Variants in BCAR3 observed in about 807,000 individuals in gnomAD.
BCAR3 encodes the protein breast cancer anti-estrogen resistance protein 3.
BCAR3 carries 37 observed loss-of-function variants against 80.1 expected under a neutral mutation model. The observed-to-expected ratio is 0.46, with a 90% CI of 0.36 to 0.61. The LOEUF (loss-of-function observed/expected upper bound fraction) is 0.61, where lower values mean the gene tolerates loss of function less well. BCAR3 is among the 20% of genes least tolerant of loss of function. The pLI, the probability that BCAR3 is intolerant of heterozygous loss-of-function variation, is 0.00. For synonymous variants in BCAR3, 389 were observed against 418.9 expected (o/e 0.93, Z 0.87); for missense variants, 978 against 1,068.2 (o/e 0.92, Z 1.18).
At chr1:93,618,926 TTTTTTTTTTTTTG>T (rs1215058507) in intron 3 of BCAR3, among the ~76,000 whole-genome samples, 1 of 91,426 alleles carries the variant, frequency 1.1e-5, no homozygotes, top group Non-Finnish European at 2.0e-5. Flanking sequence ...AGCCGTGGGT[TTTTTTTTTTTTTG>T]TTTTTTTTTT....
intron 2 of BCAR3, among the ~76,000 whole-genome samples, chr1:93,758,104 A>G (rs3935334): frequency 0.12 from 17,800 of 152,176 alleles, 1,462 homozygotes; most frequent in African/African-American, 0.22. Flanking sequence ...CACTGGCTGA[A>G]GGCAACTCCC....
At chr1:93,767,704 T>C (rs1393320838) in intron 2 of BCAR3, among the ~76,000 whole-genome samples, 1 of 152,150 alleles carries the variant, frequency 6.6e-6, no homozygotes, top group Non-Finnish European at 1.5e-5. Context: ...AAATAAAATA[T>C]ATAAACTATT....
At chr1:93,796,376 C>T (rs12760932) in intron 2 of BCAR3, among the ~76,000 whole-genome samples, 41,520 of 142,046 alleles carry the variant, frequency 0.29, 7,503 homozygotes, top group East Asian at 0.56. Flanking sequence ...TTTTTTAAGC[C>T]GGTCTGAAAA....
At chr1:93,770,767 G>A (rs1466168838) in intron 2 of BCAR3, among the ~76,000 whole-genome samples, 1 of 152,138 alleles carries the variant, frequency 6.6e-6, no homozygotes, top group African/African-American at 2.4e-5. Context: ...GGGCAATAGA[G>A]TACCCACCAG....
chr1:93,628,591 GT>G (rs934768747), intron 3 of BCAR3, among the ~76,000 whole-genome samples: 48 of 152,246 alleles, frequency 3.2e-4, no homozygotes, highest in African/African-American at 1.1e-3. Context: ...AGACATTACA[GT>G]TGACTTGTAT....
chr1:93,694,202 G>A (rs1418939026), intron 3 of BCAR3, among the ~76,000 whole-genome samples: 1 of 152,200 alleles, frequency 6.6e-6, no homozygotes, highest in Non-Finnish European at 1.5e-5. Flanking sequence ...AGCACAGGGT[G>A]GGGAGCTCCC....
At chr1:93,570,594 A>G (rs1016412662) in intron 9 of BCAR3, among the ~76,000 whole-genome samples, 2 of 152,218 alleles carry the variant, frequency 1.3e-5, no homozygotes, top group African/African-American at 4.8e-5. Flanking sequence ...AGAAACGGTA[A>G]TTAGGGAGTT....
At chr1:93,684,731 T>C (rs7513130), upstream of BCAR3, among the ~76,000 whole-genome samples, 33 of 97,968 alleles carry the variant, frequency 3.4e-4, no homozygotes, top group African/African-American at 2.0e-3. Flanking sequence ...GTGTTTTTTG[T>C]TTTTTGTTTT....
intron 2 of BCAR3, among the ~76,000 whole-genome samples, chr1:93,751,262 AGCTGACTCCT>A (rs957897164): frequency 6.6e-6 from 1 of 152,194 alleles, no homozygotes; most frequent in African/African-American, 2.4e-5. Context: ...CCTAAGCTGC[AGCTGACTCCT>A]CCCATGCAGT....
At chr1:93,610,486 A>T (rs536149097) in intron 3 of BCAR3, among the ~76,000 whole-genome samples, 1 of 152,164 alleles carries the variant, frequency 6.6e-6, no homozygotes, top group African/African-American at 2.4e-5. Flanking sequence ...CTTAAAAACA[A>T]ACAAACAACA....
At chr1:93,707,580 G>T (rs539639706) in intron 2 of BCAR3, among the ~76,000 whole-genome samples, 2 of 152,190 alleles carry the variant, frequency 1.3e-5, no homozygotes, top group African/African-American at 4.8e-5. Context: ...GGTGGCGCGT[G>T]CCTGTAATCC....
chr1:93,752,398 G>A (rs12408089), intron 2 of BCAR3, among the ~76,000 whole-genome samples: 17,842 of 152,218 alleles, frequency 0.12, 1,475 homozygotes, highest in African/African-American at 0.22. Context: ...CATCTACCTG[G>A]GCATTGGAAA....
intron 2 of BCAR3, among the ~76,000 whole-genome samples, chr1:93,741,701 TG>T (rs1651181414): frequency 6.6e-6 from 1 of 152,096 alleles, no homozygotes; most frequent in Non-Finnish European, 1.5e-5. Context: ...CTCGAGTAGC[TG>T]GGATTACAGG....
chr1:93,712,237 C>A (rs888594520), intron 2 of BCAR3, among the ~76,000 whole-genome samples: 1 of 152,256 alleles, frequency 6.6e-6, no homozygotes, highest in Non-Finnish European at 1.5e-5. Flanking sequence ...CTGTCCCCGA[C>A]CCTGGTTCAC....
At chr1:93,766,693 T>C (rs912320566) in intron 2 of BCAR3, among the ~76,000 whole-genome samples, 4 of 152,258 alleles carry the variant, frequency 2.6e-5, no homozygotes, top group African/African-American at 9.6e-5. Context: ...CTCCTCCATC[T>C]TCACCGTATC....
At chr1:93,594,537 C>G (rs1272591596) in intron 3 of BCAR3, 1 of 152,246 alleles carries the variant, frequency 6.6e-6, no homozygotes, top group Non-Finnish European at 1.5e-5. Context: ...AACACACCAG[C>G]CCTGGACCGC....
chr1:93,645,277 G>A (rs1740070), intron 2 of BCAR3, among the ~76,000 whole-genome samples: 6,522 of 145,838 alleles, frequency 0.045, 212 homozygotes, highest in African/African-American at 0.085. Flanking sequence ...TTTCAAGGGG[G>A]AAAAAAAAAA....
At chr1:93,754,712 C>T (rs1464712942) in intron 2 of BCAR3, among the ~76,000 whole-genome samples, 1 of 152,152 alleles carries the variant, frequency 6.6e-6, no homozygotes, top group Non-Finnish European at 1.5e-5. Flanking sequence ...AAACATATTG[C>T]ACTGCCAGTC....
chr1:93,562,202 A>G lies in BCAR3; in HGVS notation c.*39T>C, dbSNP rs1672702308. Reference sequence around the variant, plus strand: ...AGCTTTCCCAAAGATGAAGCTGGGGAAACTTGAAAAGATATTCTAAAGGTT... The same window carrying G: ...AGCTTTCCCAAAGATGAAGCTGGGGGAACTTGAAAAGATATTCTAAAGGTT... On this transcript the variant is annotated 3_prime_UTR_variant, in exon 12 of 12. Transcript: ENST00000260502. 1 of 1,567,878 alleles carries G rather than the reference A, an allele frequency of 6.4e-7. No individual in the cohort carries two copies. The highest frequency in any genetic ancestry group is 1.4e-5 in the African/African-American group (1 of 73,104).
Sources: gnomAD v4.1 joint callset for allele counts (sites outside exome capture counted in the v4.1 genomes callset) on GRCh38, gnomAD v4.1.1 for gene constraint, MANE v1.5 for transcripts, NCBI Gene and HGNC (gene_info 2026-07-23, HGNC 2026-07-21) for gene names.